Variants in TMEM143 observed in about 807,000 individuals in gnomAD.
TMEM143 encodes the protein transmembrane protein 143.
Under a neutral mutation model 40.3 loss-of-function variants are expected in TMEM143, and 45 were observed. That is an observed-to-expected ratio of 1.12 (90% CI 0.88 to 1.43). TMEM143 has a LOEUF of 1.43. TMEM143 is among the 40% of genes most tolerant of loss of function. TMEM143 has a pLI of 0.00. For synonymous variants in TMEM143, 299 were observed against 282.7 expected, an observed-to-expected ratio of 1.06 and a Z score of -0.58; for missense variants, 620 against 613.4, an observed-to-expected ratio of 1.01 and a Z score of -0.11.
intron 3 of TMEM143, 108 bp from the exon 4 acceptor site, chr19:48,345,462 A>T: frequency 1.5e-6 from 1 of 687,312 alleles, no homozygotes. Flanking sequence ...TTATTTATTT[A>T]TTTATTTATT....
chr19:48,356,798 T>C (rs1330494212), intron 3 of TMEM143, among the ~76,000 whole-genome samples: 1 of 150,802 alleles, frequency 6.6e-6, no homozygotes, highest in African/African-American at 2.4e-5. Context: ...GGTTTCTCCA[T>C]GTTGAGGCTG....
In TMEM143 at chr19:48,363,390, G is replaced by A; in HGVS notation, c.165C>T (p.Arg55=). ...GGGGCTCCCTGGGGTTCCACATCTTGCGATACTCCCCCATTTTGGCTGCCA... is the reference window on the plus strand; with the variant it reads ...GGGGCTCCCTGGGGTTCCACATCTTACGATACTCCCCCATTTTGGCTGCCA... The part of the protein sequence containing the change: ...SSLAAKMGEY[R]KMWNPREPRD... The change falls in exon 2 of 8, where the codon CGC becomes CGT. Residue 55 remains arginine (R), a synonymous_variant. Transcript: ENST00000293261. The A allele has an allele frequency of 6.2e-7, 1 of 1,614,194 alleles. No individual in the cohort carries two copies. Among genetic ancestry groups the A allele is most frequent in the Non-Finnish European group, 8.5e-7 (1 of 1,180,034 alleles).
In TMEM143 at chr19:48,343,520, A is replaced by C. The variant is rs1407243738; in HGVS notation, c.565-69T>G. On this transcript the variant is annotated intron_variant, in intron 4 of 7. Transcript: ENST00000293261. ...GGAGTGTTGAGGGCAGGATACCAGA[A>C]TCAGATGTCCTGCCCCTAAATAATT... 3 of 1,500,830 alleles carry C rather than the reference A, an allele frequency of 2.0e-6. No individual in the cohort carries two copies. In the East Asian group the frequency reaches 7.4e-5, roughly 37 times the overall value. The allele number at this position is 1,500,830 out of a possible 1,614,324, so 93.0% of individuals were successfully genotyped here.
At chr19:48,356,893 CTTTTTTTTTTT>C (rs150265757) in intron 3 of TMEM143, among the ~76,000 whole-genome samples, 4 of 50,388 alleles carry the variant, frequency 7.9e-5, no homozygotes, top group African/African-American at 1.6e-4. Flanking sequence ...AGCACCTGGC[CTTTTTTTTTTT>C]TTTTTTTTTT....
intron 6 of TMEM143, among the ~76,000 whole-genome samples, chr19:48,341,955 A>G (rs1969496461): frequency 1.3e-5 from 2 of 150,862 alleles, no homozygotes; most frequent in South Asian, 4.2e-4. Flanking sequence ...TATCATCCCC[A>G]TTTTCCAGAT....
intron 3 of TMEM143, among the ~76,000 whole-genome samples, chr19:48,353,482 C>A (rs1337345392): frequency 6.6e-6 from 1 of 151,800 alleles, no homozygotes; most frequent in Non-Finnish European, 1.5e-5. Flanking sequence ...CCATGCCCGG[C>A]CCAACAACAA....
intron 3 of TMEM143, among the ~76,000 whole-genome samples, chr19:48,346,273 G>A (rs1050008650): frequency 9.2e-5 from 14 of 151,648 alleles, no homozygotes; most frequent in Non-Finnish European, 1.9e-4. Flanking sequence ...TATATTTTTA[G>A]TGGAGATGGG....
intron 6 of TMEM143, 80 bp from the exon 7 acceptor site, chr19:48,334,277 G>T (rs1969292630): frequency 2.1e-6 from 3 of 1,440,902 alleles, no homozygotes; most frequent in Non-Finnish European, 2.8e-6. Context: ...CACCCCCGCT[G>T]GCACGGCCCA....
intron 3 of TMEM143, 119 bp from the exon 4 acceptor site, chr19:48,345,473 T>TA (rs59811116): frequency 1.3e-5 from 9 of 670,084 alleles, no homozygotes; most frequent in African/African-American, 1.1e-4. Flanking sequence ...TTTATTTATT[T>TA]TATTGAGATA....
chr19:48,353,827 G>A (rs1969825752), intron 3 of TMEM143, among the ~76,000 whole-genome samples: 2 of 151,514 alleles, frequency 1.3e-5, no homozygotes, highest in African/African-American at 4.9e-5. Context: ...CAGGAAGATG[G>A]AGACAGGGGT....
At position 48,334,214 on chromosome 19, in the gene TMEM143, G is replaced by A. The variant is rs1049080618; in HGVS notation, c.976-17C>T. On this transcript the variant is annotated splice_polypyrimidine_tract_variant and intron_variant, in intron 6 of 7. Transcript: ENST00000293261. ...CCCGAACATCTGCAGGCGGGACAGC[G>A]CCCCGTGGGCTCAGTTCGGGGTGCG... 1.3e-6 allele frequency: 2 copies of A among 1,578,152 alleles called. No individual in the cohort carries two copies. The highest frequency in any genetic ancestry group is 1.7e-6 in the Non-Finnish European group (2 of 1,163,364).
At chr19:48,343,084 G>T in intron 5 of TMEM143, 1 of 696,696 alleles carries the variant, frequency 1.4e-6, no homozygotes, top group Non-Finnish European at 2.3e-6. Flanking sequence ...CCGAGCCTCA[G>T]TTTTCCTTAT....
intron 3 of TMEM143, among the ~76,000 whole-genome samples, chr19:48,347,591 CTG>C (rs1255563587): frequency 1.4e-5 from 2 of 143,784 alleles, no homozygotes; most frequent in Admixed American, 7.3e-5. Flanking sequence ...GAGTCTCGCT[CTG>C]TTGCCCAGGC....
chr19:48,357,277 A>G (rs1488193249), intron 3 of TMEM143, among the ~76,000 whole-genome samples: 1 of 147,094 alleles, frequency 6.8e-6, no homozygotes, highest in Non-Finnish European at 1.5e-5. Context: ...CTATTAATAG[A>G]TCCTCCCACA....
chr19:48,356,517 G>A (rs775242513), intron 3 of TMEM143, among the ~76,000 whole-genome samples: 5 of 142,298 alleles, frequency 3.5e-5, no homozygotes, highest in Non-Finnish European at 4.5e-5. Flanking sequence ...TGCAACCTCC[G>A]CCTCCTGGGT....
chr19:48,355,274 G>A lies in TMEM143; in HGVS notation c.369+4798C>T, dbSNP rs140231820. Among the ~76,000 whole-genome samples the A allele has an allele frequency of 6.0e-3, 911 of 152,060 alleles. 4 individuals carry two copies. Among genetic ancestry groups the A allele is most frequent in the Non-Finnish European group, 9.7e-3 (662 of 67,994 alleles). ...TCGAACTCCTGGGCTCAAGTGATCC[G>A]CCTACCTCGGCCTCCCAAAGTGCTC... is the stretch of plus-strand genomic sequence containing the variant. On this transcript the variant is annotated intron_variant, in intron 3 of 7. Coordinates refer to ENST00000293261, the MANE Select transcript of TMEM143 (RefSeq NM_018273.4).
rs1969267549 is a variant in TMEM143, at chr19:48,333,518, G to T, written c.1166-85C>A. On this transcript the variant is annotated intron_variant, in intron 7 of 7. Transcript: ENST00000293261. The surrounding 1 kb of genome is among the most constrained non-coding windows in gnomAD (Gnocchi z 4.1). ...GCAGCAAGGAGGGGCGTAGGGCAAAGAACAGGAAGGGCCTGGGTTTGGGAG... is the reference window on the plus strand; with the variant it reads ...GCAGCAAGGAGGGGCGTAGGGCAAATAACAGGAAGGGCCTGGGTTTGGGAG... The T allele has an allele frequency of 2.2e-6, 2 of 900,536 alleles. No individual in the cohort carries two copies. The highest frequency in any genetic ancestry group is 1.7e-5 in the African/African-American group (1 of 60,410). 55.8% of individuals were successfully genotyped at this position (900,536 alleles called of 1,614,324 possible). A position where few individuals can be genotyped will look rare whatever the true frequency, so the allele number is the denominator to read the frequency against.
chr19:48,359,389 C>A (rs561323594), intron 3 of TMEM143, among the ~76,000 whole-genome samples: 1 of 152,156 alleles, frequency 6.6e-6, no homozygotes, highest in South Asian at 2.1e-4. Flanking sequence ...GAACATCCTC[C>A]CCCAGGCATT....
intron 3 of TMEM143, among the ~76,000 whole-genome samples, chr19:48,356,990 C>T (rs540136070): frequency 8.7e-5 from 13 of 149,452 alleles, no homozygotes; most frequent in African/African-American, 3.2e-4. Flanking sequence ...CTGCAAGCTC[C>T]GCCACCTGGG....
Sources: allele counts gnomAD v4.1 joint callset (sites outside exome capture counted in the v4.1 genomes callset), GRCh38; gene constraint gnomAD v4.1.1; non-coding constraint Gnocchi (gnomAD v3.1); transcripts MANE v1.5; gene names NCBI Gene and HGNC (gene_info 2026-07-23, HGNC 2026-07-21).